CCDC102B: variants seen among roughly 807,000 people sequenced by gnomAD.
The protein encoded by CCDC102B is coiled-coil domain-containing protein 102B.
In CCDC102B, 75 loss-of-function variants were observed where a neutral mutation model predicts 57.4. The observed-to-expected ratio is 1.31, with a 90% CI of 1.08 to 1.58. The LOEUF is 1.58. Ranked by LOEUF, CCDC102B falls within the 40% of genes most tolerant of loss-of-function variation. The pLI is 0.00. For synonymous variants in CCDC102B, 206 were observed against 201.9 expected (o/e 1.02, Z -0.17); for missense variants, 636 against 582.6 (o/e 1.09, Z -0.94).
intron 2 of CCDC102B, among the ~76,000 whole-genome samples, chr18:68,747,156 T>C (rs143626833): frequency 6.6e-6 from 1 of 152,188 alleles, no homozygotes; most frequent in Non-Finnish European, 1.5e-5. Context: ...CCTACAGTGT[T>C]GTAGAACACT....
intron 6 of CCDC102B, among the ~76,000 whole-genome samples, chr18:68,997,803 A>AT (rs1304149217): frequency 6.6e-6 from 1 of 150,942 alleles, no homozygotes; most frequent in African/African-American, 2.4e-5. Context: ...TTTCCTATTA[A>AT]TTCACTTTAT....
At chr18:68,784,784 G>T (rs2035133643) in intron 2 of CCDC102B, among the ~76,000 whole-genome samples, 1 of 151,892 alleles carries the variant, frequency 6.6e-6, no homozygotes, top group Non-Finnish European at 1.5e-5. Context: ...ACTTGGTTCA[G>T]ATTGTCTTTA....
chr18:68,796,849 G>GCA (rs2035647087), upstream of CCDC102B, among the ~76,000 whole-genome samples: 1 of 149,026 alleles, frequency 6.7e-6, no homozygotes, highest in Non-Finnish European at 1.5e-5. Flanking sequence ...ATGCATGTGT[G>GCA]TGTGTGTGTG....
At chr18:69,001,422 C>G (rs1271622150) in intron 6 of CCDC102B, among the ~76,000 whole-genome samples, 1 of 150,934 alleles carries the variant, frequency 6.6e-6, no homozygotes, top group Non-Finnish European at 1.5e-5. Flanking sequence ...CTTTTTATCA[C>G]ATGACCATGA....
chr18:69,015,982 G>T (rs1175511530), intron 7 of CCDC102B, among the ~76,000 whole-genome samples: 1 of 150,500 alleles, frequency 6.6e-6, no homozygotes, highest in East Asian at 2.0e-4. Context: ...AGCCTCTCAA[G>T]TTGCTGGGAC....
chr18:68,920,027 G>A (rs1054813533), intron 6 of CCDC102B, among the ~76,000 whole-genome samples: 1 of 152,070 alleles, frequency 6.6e-6, no homozygotes, highest in Non-Finnish European at 1.5e-5. Flanking sequence ...TACAACTTGT[G>A]TCATGGGGAT....
intron 4 of CCDC102B, among the ~76,000 whole-genome samples, chr18:68,857,767 G>C (rs984353944): frequency 5.9e-5 from 9 of 151,976 alleles, no homozygotes; most frequent in Admixed American, 5.9e-4. Context: ...ACGTTGAATG[G>C]CTTCAGAATG....
chr18:68,969,241 C>G (rs557065725), intron 6 of CCDC102B, among the ~76,000 whole-genome samples: 1 of 152,182 alleles, frequency 6.6e-6, no homozygotes, highest in African/African-American at 2.4e-5. Flanking sequence ...TTTCTTAGAA[C>G]GGATGCAGAG....
intron 1 of CCDC102B, among the ~76,000 whole-genome samples, chr18:68,827,924 G>A (rs2036970488): frequency 6.6e-6 from 1 of 151,836 alleles, no homozygotes; most frequent in South Asian, 2.1e-4. Flanking sequence ...TATCAGAGAT[G>A]TCACTTCAGA....
chr18:68,884,351 A>G (rs2039799112), intron 5 of CCDC102B, among the ~76,000 whole-genome samples: 1 of 152,198 alleles, frequency 6.6e-6, no homozygotes, highest in African/African-American at 2.4e-5. Flanking sequence ...GAATGGGATT[A>G]TGTATTTGCA....
chr18:68,853,165 A>G (rs187806270), intron 4 of CCDC102B, among the ~76,000 whole-genome samples: 239 of 152,286 alleles, frequency 1.6e-3, no homozygotes, highest in Non-Finnish European at 2.9e-3. Flanking sequence ...AATATATTTT[A>G]TATTTGTTTC....
chr18:68,883,735 G>A (rs1197587843), intron 5 of CCDC102B, among the ~76,000 whole-genome samples: 3 of 152,162 alleles, frequency 2.0e-5, no homozygotes, highest in African/African-American at 7.2e-5. Flanking sequence ...ATATGCTTTA[G>A]TTGTTTTAAC....
intron 3 of CCDC102B, among the ~76,000 whole-genome samples, chr18:68,841,522 A>G (rs1568281519): frequency 6.6e-6 from 1 of 152,174 alleles, no homozygotes; most frequent in Non-Finnish European, 1.5e-5. Flanking sequence ...TTATAGGCCT[A>G]TGTGTACCTA....
intron 6 of CCDC102B, among the ~76,000 whole-genome samples, chr18:68,960,050 T>G (rs1402092684): frequency 1.3e-5 from 2 of 152,144 alleles, no homozygotes; most frequent in African/African-American, 4.8e-5. Context: ...TCTTCTTTCC[T>G]AAAGCATAAG....
intron 6 of CCDC102B, among the ~76,000 whole-genome samples, chr18:68,940,168 C>G (rs749410853): frequency 2.2e-4 from 34 of 151,564 alleles, no homozygotes; most frequent in Non-Finnish European, 3.1e-4. Flanking sequence ...AATAAGAATT[C>G]TACTAAAATG....
intron 1 of CCDC102B, among the ~76,000 whole-genome samples, chr18:68,817,830 A>G (rs1328631753): frequency 6.6e-6 from 1 of 152,158 alleles, no homozygotes; most frequent in East Asian, 1.9e-4. Context: ...TGATAATGAA[A>G]TTCTCCTTAT....
intron 7 of CCDC102B, among the ~76,000 whole-genome samples, chr18:69,019,649 T>G (rs1458385474): frequency 6.6e-6 from 1 of 152,088 alleles, no homozygotes; most frequent in East Asian, 1.9e-4. Flanking sequence ...GATTTTTACA[T>G]ATTGCATCAT....
intron 6 of CCDC102B, among the ~76,000 whole-genome samples, chr18:68,943,145 T>G (rs1036502907): frequency 1.3e-5 from 2 of 150,398 alleles, no homozygotes; most frequent in African/African-American, 2.4e-5. Flanking sequence ...GGCAGAAGAA[T>G]TTTTCTTAGT....
At chr18:69,036,003 T>C (rs567764722) in intron 7 of CCDC102B, among the ~76,000 whole-genome samples, 9 of 152,204 alleles carry the variant, frequency 5.9e-5, no homozygotes, top group South Asian at 2.1e-4. Flanking sequence ...CTTGCCAGAA[T>C]CCCCGATGCT....
Sources: allele counts gnomAD v4.1 joint callset (sites outside exome capture counted in the v4.1 genomes callset), GRCh38; gene constraint gnomAD v4.1.1; transcripts MANE v1.5; gene names NCBI Gene and HGNC (gene_info 2026-07-23, HGNC 2026-07-21).